The following ERC1 variants were observed in gnomAD, a reference collection of about 807,000 sequenced individuals.
The protein encoded by ERC1 is RAB6 interacting protein 2.
Under a neutral mutation model 132.0 loss-of-function variants are expected in ERC1, and 56 were observed. The observed-to-expected ratio is 0.42, with a 90% CI of 0.34 to 0.53. ERC1 has a LOEUF of 0.53. Among genes scored for constraint, ERC1 ranks in the 20% least tolerant of loss-of-function variants. ERC1 has a pLI of 0.03. For synonymous variants in ERC1, 478 were observed against 476.1 expected (o/e 1.00, Z -0.05); for missense variants, 1,202 against 1,349.9 (o/e 0.89, Z 1.72).
At chr12:1,387,560 T>G (rs2089510540) in intron 16 of ERC1, among the ~76,000 whole-genome samples, 1 of 152,198 alleles carries the variant, frequency 6.6e-6, no homozygotes, top group Non-Finnish European at 1.5e-5. Context: ...CTAACCCTAA[T>G]GACAAGTCCT....
At chr12:1,163,780 G>T (rs77996377) in intron 8 of ERC1, among the ~76,000 whole-genome samples, 2 of 152,020 alleles carry the variant, frequency 1.3e-5, no homozygotes. Context: ...CAGTGGCACA[G>T]TCTCAGCTCA....
At chr12:1,484,039 C>T (rs2094147764) in intron 18 of ERC1, among the ~76,000 whole-genome samples, 1 of 149,924 alleles carries the variant, frequency 6.7e-6, no homozygotes, top group South Asian at 2.1e-4. Flanking sequence ...GGCGTGGTGG[C>T]TCACGCCTGT....
intron 15 of ERC1, among the ~76,000 whole-genome samples, chr12:1,338,436 A>G (rs924605329): frequency 6.6e-6 from 1 of 152,000 alleles, no homozygotes; most frequent in Admixed American, 6.6e-5. Context: ...CAGCTCCTAT[A>G]TTGTTGTACT....
intron 8 of ERC1, among the ~76,000 whole-genome samples, chr12:1,180,252 GATGTGT>G (rs1174768360): frequency 8.1e-6 from 1 of 123,436 alleles, no homozygotes; most frequent in African/African-American, 3.9e-5. Flanking sequence ...TTTTGTTAGG[GATGTGT>G]GTGTGTGTGT....
chr12:1,065,191 G>A (rs759849342), intron 2 of ERC1, among the ~76,000 whole-genome samples: 22 of 151,998 alleles, frequency 1.4e-4, no homozygotes, highest in Non-Finnish European at 2.9e-4. Flanking sequence ...AGTAGAGGGA[G>A]GGTTTCACCA....
intron 17 of ERC1, among the ~76,000 whole-genome samples, chr12:1,413,247 TC>T (rs2091939018): frequency 6.6e-6 from 1 of 152,008 alleles, no homozygotes; most frequent in Non-Finnish European, 1.5e-5. Flanking sequence ...AAGGACTGCC[TC>T]CACTCATAAA....
chr12:1,164,038 T>C (rs989472464), intron 8 of ERC1, among the ~76,000 whole-genome samples: 3 of 152,118 alleles, frequency 2.0e-5, no homozygotes, highest in African/African-American at 7.2e-5. Context: ...TTGCCCCAGC[T>C]TCTGCAGGTG....
At chr12:1,418,605 TTCTTTC>T (rs1228071825) in intron 17 of ERC1, among the ~76,000 whole-genome samples, 1 of 57,534 alleles carries the variant, frequency 1.7e-5, no homozygotes, top group Non-Finnish European at 3.6e-5. Flanking sequence ...CTTTCTTTCT[TTCTTTC>T]TTTCTTTCTT....
chr12:1,486,019 T>C (rs1012859342), intron 18 of ERC1, among the ~76,000 whole-genome samples: 1 of 152,250 alleles, frequency 6.6e-6, no homozygotes, highest in African/African-American at 2.4e-5. Context: ...TACAGTTCAT[T>C]GACTTCATAT....
intron 8 of ERC1, among the ~76,000 whole-genome samples, chr12:1,145,386 A>T (rs1950259864): frequency 6.6e-6 from 1 of 150,742 alleles, no homozygotes; most frequent in Admixed American, 6.6e-5. Flanking sequence ...TTCTTTTGAG[A>T]ATTGTCTATT....
At chr12:1,121,837 ATCTATC>A (rs1555254816) in intron 7 of ERC1, among the ~76,000 whole-genome samples, 65 of 4,328 alleles carry the variant, frequency 0.015, 10 homozygotes, top group South Asian at 0.028. Flanking sequence ...CTCTATCTCT[ATCTATC>A]TCTATCTCTA....
At chr12:1,424,841 AGATG>A (rs977657797) in intron 17 of ERC1, among the ~76,000 whole-genome samples, 1 of 104,086 alleles carries the variant, frequency 9.6e-6, no homozygotes, top group African/African-American at 4.0e-5. Flanking sequence ...ATAGATAGAT[AGATG>A]ATAGATAGAT....
intron 8 of ERC1, among the ~76,000 whole-genome samples, chr12:1,164,860 A>G (rs1253210121): frequency 6.6e-6 from 1 of 151,824 alleles, no homozygotes; most frequent in Admixed American, 6.6e-5. Flanking sequence ...TAAAATTCTT[A>G]CTCCCTTTTC....
intron 1 of ERC1, among the ~76,000 whole-genome samples, chr12:1,012,096 T>C (rs567227432): frequency 5.3e-5 from 8 of 152,356 alleles, no homozygotes; most frequent in Non-Finnish European, 1.0e-4. Flanking sequence ...ATAAAGCTGG[T>C]GTATCTTTAT....
chr12:1,268,798 A>G (rs75263010), intron 14 of ERC1, among the ~76,000 whole-genome samples: 1,912 of 152,258 alleles, frequency 0.013, 31 homozygotes, highest in African/African-American at 0.043. Flanking sequence ...AGGCAAAGAA[A>G]TGGAAGATGT....
intron 17 of ERC1, 187 bp from the exon 18 acceptor site, chr12:1,444,375 C>A: frequency 2.0e-6 from 1 of 503,240 alleles, no homozygotes; most frequent in East Asian, 3.2e-5. Flanking sequence ...CGTGTGACAG[C>A]GTAAATGTGT....
At chr12:1,469,016 C>T (rs894496719) in intron 18 of ERC1, among the ~76,000 whole-genome samples, 1 of 152,206 alleles carries the variant, frequency 6.6e-6, no homozygotes, top group African/African-American at 2.4e-5. Flanking sequence ...GGGACATTTG[C>T]CTTCTAGTGC....
At chr12:1,478,405 T>A (rs1405773242) in intron 18 of ERC1, among the ~76,000 whole-genome samples, 1 of 152,244 alleles carries the variant, frequency 6.6e-6, no homozygotes, top group Admixed American at 6.5e-5. Context: ...GTTACTGCTT[T>A]ATAGGAGTTC....
intron 3 of ERC1, among the ~76,000 whole-genome samples, chr12:1,095,726 G>A (rs1943937384): frequency 6.6e-6 from 1 of 152,090 alleles, no homozygotes; most frequent in South Asian, 2.1e-4. Flanking sequence ...GACAATGCGG[G>A]AGGCATAGGC....
Sources: gnomAD v4.1 joint callset for allele counts (sites outside exome capture counted in the v4.1 genomes callset) on GRCh38, gnomAD v4.1.1 for gene constraint, MANE v1.5 for transcripts, NCBI Gene and HGNC (gene_info 2026-07-23, HGNC 2026-07-21) for gene names.